ABTB2: variants seen among roughly 807,000 people sequenced by gnomAD.
The protein encoded by ABTB2 is ankyrin repeat and BTB domain containing 2, also known as ankyrin repeat and BTB/POZ domain-containing protein 2.
A neutral mutation model predicts 104.1 loss-of-function variants in ABTB2; 56 were observed. That is an observed-to-expected ratio of 0.54 (90% CI 0.43 to 0.67). The LOEUF (loss-of-function observed/expected upper bound fraction) is 0.67. Ranked by LOEUF, ABTB2 falls within the 30% of genes least tolerant of loss-of-function variation. ABTB2 has a pLI of 0.00. For synonymous variants in ABTB2, 606 were observed against 608.2 expected, an observed-to-expected ratio of 1.00 and a Z score of 0.05; for missense variants, 1,279 against 1,407.7, an observed-to-expected ratio of 0.91 and a Z score of 1.46.
intron 1 of ABTB2, among the ~76,000 whole-genome samples, chr11:34,222,894 C>G (rs1829622834): frequency 6.6e-6 from 1 of 152,182 alleles, no homozygotes; most frequent in Admixed American, 6.5e-5. Flanking sequence ...AACGACAGAG[C>G]CTGCAGCAAG....
rs567398874 is a variant in ABTB2 at position 34,282,693 on chromosome 11, AT to A, written c.883+74007del. On this transcript the variant is annotated intron_variant, in intron 1 of 16. Coordinates refer to ENST00000435224, the MANE Select transcript of ABTB2 (RefSeq NM_145804.3). ...AGGCATGCACCACCACACCTGGCTA[AT>A]TTTTTTTTCTTTTTTTTAGTAGAGA... Among the ~76,000 whole-genome samples the A allele has an allele frequency of 1.9e-3, 288 of 149,940 alleles. 1 individual carries two copies. Among genetic ancestry groups the A allele is most frequent in the African/African-American group, 6.8e-3 (277 of 40,696 alleles).
chr11:34,233,150 A>G (rs963394870), intron 1 of ABTB2, among the ~76,000 whole-genome samples: 1 of 152,086 alleles, frequency 6.6e-6, no homozygotes, highest in Non-Finnish European at 1.5e-5. Context: ...ACAGTCCACC[A>G]CGGGAAGTTA....
At chr11:34,241,760 T>C (rs7123039) in intron 1 of ABTB2, among the ~76,000 whole-genome samples, 77,873 of 152,088 alleles carry the variant, frequency 0.51, 20,333 homozygotes, top group Middle Eastern at 0.64. Context: ...ATAATCCCCA[T>C]CTTGTATTCA....
chr11:34,268,625 G>T (rs1854277467), intron 1 of ABTB2, among the ~76,000 whole-genome samples: 1 of 152,202 alleles, frequency 6.6e-6, no homozygotes, highest in South Asian at 2.1e-4. Flanking sequence ...GAGTTTCCTG[G>T]GGCTTCTGTA....
At chr11:34,311,572 G>A (rs762515911) in intron 1 of ABTB2, among the ~76,000 whole-genome samples, 4 of 152,208 alleles carry the variant, frequency 2.6e-5, no homozygotes, top group Non-Finnish European at 4.4e-5. Flanking sequence ...TATTTTGAGA[G>A]AGAGGGAGAG....
At chr11:34,307,721 C>A (rs1282647617) in intron 1 of ABTB2, among the ~76,000 whole-genome samples, 4 of 147,676 alleles carry the variant, frequency 2.7e-5, no homozygotes, top group Admixed American at 1.4e-4. Context: ...TTTTTTGAGA[C>A]GGAGTCTCGC....
At chr11:34,206,636 C>T (rs756047517) in intron 1 of ABTB2, among the ~76,000 whole-genome samples, 20 of 152,138 alleles carry the variant, frequency 1.3e-4, no homozygotes, top group Non-Finnish European at 2.4e-4. Flanking sequence ...GACAATATGG[C>T]TGTATTATTA....
In ABTB2 at chr11:34,159,893, T is replaced by C. The variant is rs1485806302; in HGVS notation, c.2606+13A>G. 28 of 1,603,756 alleles carry C rather than the reference T, an allele frequency of 1.7e-5. No homozygotes were observed. The Admixed American group carries it at 4.7e-4, about 27-fold the overall frequency. On this transcript the variant is annotated intron_variant, in intron 13 of 16. Coordinates refer to ENST00000435224, the MANE Select transcript of ABTB2 (RefSeq NM_145804.3). ...GCCCCTGGGCTGGGAGTTTGTTATCTGAGGCTGCCTACCTGTTAGAAGCTG... is the reference window on the plus strand; with the variant it reads ...GCCCCTGGGCTGGGAGTTTGTTATCCGAGGCTGCCTACCTGTTAGAAGCTG...
Position 34,356,934 on chromosome 11 carries a change from G to C in ABTB2, c.650C>G (p.Thr217Ser). The C allele has an allele frequency of 6.2e-7, 1 of 1,601,434 alleles. No individual in the cohort carries two copies. Among genetic ancestry groups the C allele is most frequent in the Middle Eastern group, 1.7e-4 (1 of 6,056 alleles). ...CTCGTGGATGCGCACGGAGATTCGG[G>C]TGTCCACCATCCAGCGGAAAAAGCG... ...VGRFFRWMVD[T>S]RISVRIHEYA... The change falls in exon 1 of 17, where the codon ACC (threonine) becomes AGC (serine). Residue 217 changes from threonine (T) to serine (S), a missense_variant. By Grantham distance (58) the Thr-to-Ser change is moderately conservative. Coordinates refer to ENST00000435224, the MANE Select transcript of ABTB2 (RefSeq NM_145804.3). This position sits in a 1 kb window ranked among gnomAD's most constrained non-coding sequence, Gnocchi z 4.6.
chr11:34,253,797 C>T (rs935648544), intron 1 of ABTB2, among the ~76,000 whole-genome samples: 2 of 152,174 alleles, frequency 1.3e-5, no homozygotes, highest in African/African-American at 4.8e-5. Context: ...TCCTTCATTA[C>T]CTGCTGGAAG....
intron 1 of ABTB2, among the ~76,000 whole-genome samples, chr11:34,318,282 G>A (rs1288901121): frequency 3.9e-5 from 6 of 151,950 alleles, no homozygotes; most frequent in Admixed American, 2.6e-4. Flanking sequence ...ACGTTTTTTG[G>A]TTCCTAGTGT....
rs113842685 is a variant in ABTB2, at chr11:34,159,242, C to T, written c.2697+54G>A. 8 of 1,417,794 alleles carry T rather than the reference C, an allele frequency of 5.6e-6. No homozygotes were observed. In the South Asian group the frequency reaches 9.3e-5, roughly 16 times the overall value. The allele number at this position is 1,417,794 out of a possible 1,614,324, so 87.8% of individuals were successfully genotyped here. The stretch of plus-strand genomic sequence containing the variant: ...AATGCACAGCTGCCCACAAGGTGGG[C>T]TCCTGGGGGAGGGTCATCCCTCTGA... On this transcript the variant is annotated intron_variant, in intron 14 of 16. Transcript: ENST00000435224.
chr11:34,234,183 G>C (rs1853810301), intron 1 of ABTB2, among the ~76,000 whole-genome samples: 1 of 152,192 alleles, frequency 6.6e-6, no homozygotes, highest in Non-Finnish European at 1.5e-5. Context: ...GCAAGGGTAA[G>C]AGCGTCTCCC....
At chr11:34,152,951 A>G (rs373049873) in intron 16 of ABTB2, among the ~76,000 whole-genome samples, 1 of 152,318 alleles carries the variant, frequency 6.6e-6, no homozygotes, top group East Asian at 1.9e-4. Flanking sequence ...TGTTCACTCA[A>G]CACATATCAA....
intron 1 of ABTB2, among the ~76,000 whole-genome samples, chr11:34,309,670 AT>A (rs970809644): frequency 2.7e-5 from 4 of 149,212 alleles, no homozygotes; most frequent in Admixed American, 2.0e-4. Flanking sequence ...AAAAAAAAAA[AT>A]TTTCAAAACC....
intron 3 of ABTB2, among the ~76,000 whole-genome samples, chr11:34,188,735 A>G (rs903337150): frequency 6.6e-6 from 1 of 152,230 alleles, no homozygotes; most frequent in Non-Finnish European, 1.5e-5. Context: ...CATCATCTCT[A>G]TTATTTGATA....
intron 1 of ABTB2, among the ~76,000 whole-genome samples, chr11:34,243,419 G>A (rs1210452290): frequency 2.6e-5 from 4 of 152,174 alleles, no homozygotes; most frequent in South Asian, 2.1e-4. Context: ...TTACAGGCGT[G>A]AGCCACCACG....
rs535285662 is a variant in ABTB2, at chr11:34,189,868, T to C, written c.1244+7457A>G. ...GCTTCTTACTGTGTACCAGGCACTA[T>C]GCTAAGTGCCTTATGTATATTAACT... On this transcript the variant is annotated intron_variant, in intron 3 of 16. Transcript: ENST00000435224. 1.7e-4 allele frequency among the ~76,000 whole-genome samples: 26 copies of C among 152,332 alleles called. No homozygotes were observed. The East Asian group carries it at 3.7e-3, about 22-fold the overall frequency.
intron 3 of ABTB2, among the ~76,000 whole-genome samples, chr11:34,189,475 C>A (rs2133030731): frequency 6.6e-6 from 1 of 152,150 alleles, no homozygotes; most frequent in South Asian, 2.1e-4. Context: ...GCAGAGTGGG[C>A]CAACAGTCCC....
Sources: gnomAD v4.1 joint callset for allele counts (sites outside exome capture counted in the v4.1 genomes callset) on GRCh38, gnomAD v4.1.1 for gene constraint, Gnocchi (gnomAD v3.1) non-coding constraint, MANE v1.5 for transcripts, NCBI Gene and HGNC (gene_info 2026-07-23, HGNC 2026-07-21) for gene names.